PTPN11: variants seen among roughly 807,000 people sequenced by gnomAD.
PTPN11 encodes protein tyrosine phosphatase non-receptor type 11.
PTPN11 carries 6 observed loss-of-function variants against 78.8 expected under a neutral mutation model. The ratio of observed to expected loss-of-function variants is 0.08; its 90% CI spans 0.04 to 0.15. PTPN11 has a LOEUF of 0.15. PTPN11 is among the 10% of genes least tolerant of loss of function. The pLI, the probability that PTPN11 is intolerant of heterozygous loss-of-function variation, is 1.00. For missense variants in PTPN11, 386 were observed against 744.8 expected (o/e 0.52, Z 5.61); for synonymous variants, 221 against 263.5 (o/e 0.84, Z 1.56).
intron 6 of PTPN11, among the ~76,000 whole-genome samples, chr12:112,458,905 C>T (rs916840649): frequency 4.7e-4 from 71 of 152,162 alleles, no homozygotes; most frequent in African/African-American, 1.6e-3. Flanking sequence ...TGGGGGTGCG[C>T]ACCCACAGTC....
chr12:112,456,089 C>A (rs367551931), intron 6 of PTPN11, 26 bp downstream of exon 6: 1 of 1,445,032 alleles, frequency 6.9e-7, no homozygotes, highest in East Asian at 2.3e-5. Context: ...ACTGTTTTTA[C>A]GTGAGTTGTT....
At chr12:112,502,350 A>G in intron 14 of PTPN11, 94 bp downstream of exon 14, 2 of 1,016,862 alleles carry the variant, frequency 2.0e-6, no homozygotes, top group Non-Finnish European at 3.1e-6. Context: ...AGTTTGTAGC[A>G]CATGCCTTTC....
Position 112,507,899 on chromosome 12 carries a change from G to A in PTPN11, c.*2107G>A, listed in dbSNP as rs1158848459. The stretch of plus-strand genomic sequence containing the variant: ...TGGCCTGAAGGTATTCCCTTATTAG[G>A]GAAGTGTCACTGCTGTCTTCTAGTC... On this transcript the variant is annotated 3_prime_UTR_variant, in exon 16 of 16. Coordinates refer to ENST00000351677, the MANE Select transcript of PTPN11 (RefSeq NM_002834.5). The A allele has an allele frequency of 6.6e-6, 1 of 152,598 alleles. No individual in the cohort carries two copies. The highest frequency in any genetic ancestry group is 1.5e-5 in the Non-Finnish European group (1 of 68,038). 9.5% of individuals were successfully genotyped at this position (152,598 alleles called of 1,614,324 possible).
chr12:112,428,252 A>G (rs1320924533), intron 1 of PTPN11, among the ~76,000 whole-genome samples: 2 of 152,192 alleles, frequency 1.3e-5, no homozygotes, highest in Non-Finnish European at 2.9e-5. Flanking sequence ...AAATGAGGCC[A>G]TACCGTTTTG....
At chr12:112,425,546 TAG>T (rs1566153936) in intron 1 of PTPN11, among the ~76,000 whole-genome samples, 2 of 152,216 alleles carry the variant, frequency 1.3e-5, no homozygotes, top group Admixed American at 6.5e-5. Context: ...AAACTGAAAT[TAG>T]ACTTTATACA....
At chr12:112,434,731 T>C (rs999427963) in intron 1 of PTPN11, among the ~76,000 whole-genome samples, 1 of 152,136 alleles carries the variant, frequency 6.6e-6, no homozygotes, top group Non-Finnish European at 1.5e-5. Context: ...GGGAGTAGTG[T>C]GTATATGCAC....
At chr12:112,460,028 A>G (rs1384688805) in intron 6 of PTPN11, among the ~76,000 whole-genome samples, 1 of 150,788 alleles carries the variant, frequency 6.6e-6, no homozygotes, top group East Asian at 1.9e-4. Context: ...GCTCACTGCA[A>G]CCTCCACCTC....
chr12:112,423,635 A>G (rs886487924), intron 1 of PTPN11, among the ~76,000 whole-genome samples: 1 of 151,906 alleles, frequency 6.6e-6, no homozygotes, highest in Non-Finnish European at 1.5e-5. Flanking sequence ...ATGTATGTGT[A>G]TATATGTATA....
At chr12:112,490,813 T>G (rs556214914) in intron 13 of PTPN11, among the ~76,000 whole-genome samples, 2 of 152,204 alleles carry the variant, frequency 1.3e-5, no homozygotes, top group African/African-American at 4.8e-5. Context: ...CTGCAATATA[T>G]AGTTTTCTGC....
rs763926088 is a variant in PTPN11, at chr12:112,502,214, A to G, written c.1670A>G (p.Gln557Arg). 5 of 1,613,948 alleles carry G rather than the reference A, an allele frequency of 3.1e-6. No individual in the cohort carries two copies. The highest frequency in any genetic ancestry group is 4.2e-6 in the Non-Finnish European group (5 of 1,179,838). Residue 557 changes from glutamine to arginine, a missense_variant, in exon 14 of 16, where the codon CAG becomes CGG. Gln to Arg is a conservative substitution (Grantham distance 43, BLOSUM62 1). This residue lies in a region of PTPN11 where 44 missense variants were observed against 59.3 expected (regional missense o/e 0.74). Coordinates refer to ENST00000351677, the MANE Select transcript of PTPN11 (RefSeq NM_002834.5). ...YSLADQTSGD[Q>R]SPLPPCTPTP... Reference sequence around the variant, plus strand: ...CTAGCGGACCAGACGAGTGGAGATCAGAGCCCTCTCCCGCCTTGTACTCCA... The same window carrying G: ...CTAGCGGACCAGACGAGTGGAGATCGGAGCCCTCTCCCGCCTTGTACTCCA...
chr12:112,443,687 C>T (rs983080767), intron 1 of PTPN11, among the ~76,000 whole-genome samples: 1 of 133,926 alleles, frequency 7.5e-6, no homozygotes, highest in African/African-American at 2.9e-5. Flanking sequence ...GGGTCTTATT[C>T]TGTTGCCTGG....
intron 7 of PTPN11, among the ~76,000 whole-genome samples, chr12:112,476,442 A>AG (rs1259658703): frequency 1.3e-5 from 2 of 152,162 alleles, no homozygotes; most frequent in African/African-American, 4.8e-5. Flanking sequence ...ATACTATCAG[A>AG]GCCTTGTGAT....
intron 1 of PTPN11, among the ~76,000 whole-genome samples, chr12:112,432,658 A>C (rs2037730070): frequency 6.7e-6 from 1 of 149,244 alleles, no homozygotes. Flanking sequence ...GACAAGGCAA[A>C]ACTCCATCTC....
chr12:112,423,066 C>A (rs2037549437), intron 1 of PTPN11, among the ~76,000 whole-genome samples: 1 of 152,088 alleles, frequency 6.6e-6, no homozygotes, highest in South Asian at 2.1e-4. Flanking sequence ...GATTGGAGAC[C>A]CTGAAATGGA....
intron 7 of PTPN11, among the ~76,000 whole-genome samples, chr12:112,475,474 C>T (rs994432472): frequency 3.3e-5 from 5 of 152,088 alleles, no homozygotes; most frequent in Admixed American, 1.3e-4. Context: ...AGGCTGATCT[C>T]GAACTCCTAG....
chr12:112,480,316 C>T (rs924240441), intron 9 of PTPN11, among the ~76,000 whole-genome samples: 16 of 150,794 alleles, frequency 1.1e-4, no homozygotes, highest in South Asian at 6.3e-4. Context: ...TACAAAATAC[C>T]GGAGGGAAAG....
At chr12:112,456,377 C>T (rs1395485929) in intron 6 of PTPN11, among the ~76,000 whole-genome samples, 3 of 151,536 alleles carry the variant, frequency 2.0e-5, no homozygotes, top group Non-Finnish European at 2.9e-5. Flanking sequence ...AGATTTCCAG[C>T]ATGCACTGGG....
chr12:112,477,571 G>C, intron 7 of PTPN11, 80 bp from the exon 8 acceptor site: 1 of 1,143,788 alleles, frequency 8.7e-7, no homozygotes, highest in South Asian at 1.3e-5. Flanking sequence ...ACTTGGACTA[G>C]GCTGGGGAGT....
intron 13 of PTPN11, among the ~76,000 whole-genome samples, chr12:112,496,568 G>C (rs2038816977): frequency 6.6e-6 from 1 of 152,062 alleles, no homozygotes; most frequent in Admixed American, 6.5e-5. Context: ...AGCTAAACAT[G>C]AATTCATACT....
Sources: gnomAD v4.1 joint callset for allele counts (sites outside exome capture counted in the v4.1 genomes callset) on GRCh38, gnomAD v4.1.1 for gene constraint, gnomAD v4.1.1 regional missense constraint, MANE v1.5 for transcripts, NCBI Gene and HGNC (gene_info 2026-07-23, HGNC 2026-07-21) for gene names.